The following NPR2 variants were observed in gnomAD, a reference collection of about 807,000 sequenced individuals.
NPR2 encodes atrial natriuretic peptide receptor 2.
NPR2 carries 49 observed loss-of-function variants against 120.7 expected under a neutral mutation model. That is an observed-to-expected ratio of 0.41 (90% CI 0.32 to 0.52). The LOEUF is 0.52. Ranked by LOEUF, NPR2 falls within the 20% of genes least tolerant of loss-of-function variation. The probability of loss-of-function intolerance (pLI) is 0.36; values close to 1 mark genes in which losing one functional copy is unlikely to be tolerated. For missense variants in NPR2, 931 were observed against 1,362.9 expected (o/e 0.68, Z 4.99); for synonymous variants, 484 against 519.8 (o/e 0.93, Z 0.94).
Position 35,795,368 on chromosome 9 carries a change from A to T in NPR2, c.873+1265A>T, listed in dbSNP as rs1206526167. On this transcript the variant is annotated intron_variant, in intron 2 of 21. Coordinates refer to ENST00000342694, the MANE Select transcript of NPR2 (RefSeq NM_003995.4). The stretch of plus-strand genomic sequence containing the variant: ...CGCCACTTTTTTACTAACCGTGCAT[A>T]TAAGTGTTTCCCGTGTATTTATCCA... Among the ~76,000 whole-genome samples the T allele has an allele frequency of 2.0e-5, 3 of 152,208 alleles. No individual in the cohort carries two copies. In the East Asian group the frequency reaches 5.8e-4, roughly 29 times the overall value.
Position 35,800,715 on chromosome 9 carries a change from G to A in NPR2, c.1225G>A (p.Ala409Thr), listed in dbSNP as rs1828117923. Residue 409 changes from alanine (A) to threonine (T), a missense_variant, in exon 6 of 22, where the codon GCC (alanine) becomes ACC (threonine). Ala to Thr is a moderately conservative substitution (Grantham distance 58, BLOSUM62 0). This residue lies in a region of NPR2 where 681 missense variants were observed against 974.3 expected (regional missense o/e 0.70). Transcript: ENST00000342694. The surrounding 1 kb of genome is among the most constrained non-coding windows in gnomAD (Gnocchi z 4.7). ...GCTTTTTGCTTCCTTACAGCCTGCA[G>A]CCCACTACTCGGGAGCTGAGAAGCA... ...DLDSGDFQPA[A>T]HYSGAEKQIW... The A allele has an allele frequency of 1.2e-6, 2 of 1,614,188 alleles. No homozygotes were observed. The highest frequency in any genetic ancestry group is 1.7e-6 in the Non-Finnish European group (2 of 1,180,034).
At chr9:35,801,450 A>C (rs775873562) in intron 7 of NPR2, among the ~76,000 whole-genome samples, 193 bp from the exon 8 acceptor site, 1 of 152,224 alleles carries the variant, frequency 6.6e-6, no homozygotes, top group Non-Finnish European at 1.5e-5. Flanking sequence ...TTTCACCCCC[A>C]GTCTCTGTGT....
At chr9:35,797,918 A>G (rs1827992672) in intron 2 of NPR2, among the ~76,000 whole-genome samples, 1 of 151,828 alleles carries the variant, frequency 6.6e-6, no homozygotes, top group African/African-American at 2.4e-5. Context: ...GAAGTTTTCC[A>G]GAGGTTACAT....
Position 35,792,332 on chromosome 9 carries a change from T to TG in NPR2, c.-71dup, listed in dbSNP as rs1588049738. On this transcript the variant is annotated 5_prime_UTR_variant, in exon 1 of 22. Transcript: ENST00000342694. ...TGGCCCTCTTCCCCAGGCTCCAGGC[T>TG]GGGGGGTGCTCGCGTCTCCCCTGTA... 5 of 1,476,260 alleles carry TG rather than the reference T, an allele frequency of 3.4e-6. No individual in the cohort carries two copies. The African/African-American group carries it at 5.6e-5, about 16-fold the overall frequency. The allele number at this position is 1,476,260 out of a possible 1,614,324, so 91.4% of individuals were successfully genotyped here.
Position 35,809,505 on chromosome 9 carries a change from C to T in NPR2, c.*60C>T. On this transcript the variant is annotated 3_prime_UTR_variant, in exon 22 of 22. Coordinates refer to ENST00000342694, the MANE Select transcript of NPR2 (RefSeq NM_003995.4). This position sits in a 1 kb window ranked among gnomAD's most constrained non-coding sequence, Gnocchi z 4.1. ...TGCTGGTACCTGGGTGGGCAATGGC[C>T]ACCATGTCTGCACACACCAGAAATG... is the stretch of plus-strand genomic sequence containing the variant. The T allele has an allele frequency of 6.2e-7, 1 of 1,613,778 alleles. No homozygotes were observed. Among genetic ancestry groups the T allele is most frequent in the Middle Eastern group, 1.6e-4 (1 of 6,062 alleles).
Position 35,793,476 on chromosome 9 carries a change from T to C in NPR2, c.667+401T>C, listed in dbSNP as rs373391658. On this transcript the variant is annotated intron_variant, in intron 1 of 21. Transcript: ENST00000342694. ...AGACCCCTTGGTGGTGTAAAAATAA[T>C]GAGGGCTCCATGAACGGACTCAGGG... Among the ~76,000 whole-genome samples, 62 of 152,120 alleles carry C rather than the reference T, an allele frequency of 4.1e-4. 1 individual carries two copies. The South Asian group carries it at 9.6e-3, about 23-fold the overall frequency.
rs2132094545 is a variant in NPR2, at chr9:35,807,158, G to A, written c.2643+12G>A. On this transcript the variant is annotated intron_variant, in intron 17 of 21. Coordinates refer to ENST00000342694, the MANE Select transcript of NPR2 (RefSeq NM_003995.4). ...GCACCCCCATGCAGGTGAGAGCCATGGGTGAGAGGTGGCGGGTGGGGTTGG... is the reference window on the plus strand; with the variant it reads ...GCACCCCCATGCAGGTGAGAGCCATAGGTGAGAGGTGGCGGGTGGGGTTGG... The A allele has an allele frequency of 3.2e-6, 5 of 1,580,194 alleles. No homozygotes were observed. Among genetic ancestry groups the A allele is most frequent in the Non-Finnish European group, 4.3e-6 (5 of 1,149,700 alleles).
chr9:35,808,672 G>A lies in NPR2; in HGVS notation c.2876G>A (p.Gly959Glu). The A allele has an allele frequency of 6.2e-7, 1 of 1,613,956 alleles. No individual in the cohort carries two copies. The highest frequency in any genetic ancestry group is 8.5e-7 in the Non-Finnish European group (1 of 1,179,962). Reference sequence around the variant, plus strand: ...CATGACCAGCTGAGGCTACGCATAGGGGTCCATACTGGTAAGGCTGACTCT... The same window carrying A: ...CATGACCAGCTGAGGCTACGCATAGAGGTCCATACTGGTAAGGCTGACTCT... ...RPHDQLRLRIGVHTGPVCAGV... is the reference protein window; with the variant it reads ...RPHDQLRLRIEVHTGPVCAGV... Residue 959 changes from glycine to glutamate, a missense_variant, in exon 19 of 22, where the codon GGG (glycine) becomes GAG (glutamate). Gly to Glu is a moderately conservative substitution (Grantham distance 98). This residue lies in a region of NPR2 where 184 missense variants were observed against 328.3 expected (regional missense o/e 0.56). Transcript: ENST00000342694. This position sits in a 1 kb window ranked among gnomAD's most constrained non-coding sequence, Gnocchi z 4.0.
rs1221326921 is a variant in NPR2 at position 35,803,111 on chromosome 9, T to A, written c.1887+308T>A. On this transcript the variant is annotated intron_variant, in intron 12 of 21. Transcript: ENST00000342694. ...AATGAGTGGAGTCTCTGAACATATT[T>A]TTTTTTTTTTGAGACGGAGTCTCGC... Among the ~76,000 whole-genome samples, 10 of 137,054 alleles carry A rather than the reference T, an allele frequency of 7.3e-5. 2 individuals carry two copies. Among genetic ancestry groups the A allele is most frequent in the Admixed American group, 4.3e-4 (6 of 14,074 alleles). 89.9% of individuals were successfully genotyped at this position (137,054 alleles called of 152,430 possible).
Position 35,807,003 on chromosome 9 carries a change from A to G in NPR2, c.2520-20A>G. ...CCTGCTCTCTTGGAGTTTGGCTCAT[A>G]CGGCACCCTTGCTTCCTAGTTCAGT... On this transcript the variant is annotated intron_variant, in intron 16 of 21. Coordinates refer to ENST00000342694, the MANE Select transcript of NPR2 (RefSeq NM_003995.4). 6.2e-7 allele frequency: 1 copy of G among 1,613,868 alleles called. No individual in the cohort carries two copies. Among genetic ancestry groups the G allele is most frequent in the Non-Finnish European group, 8.5e-7 (1 of 1,179,840 alleles).
rs61758519 is a variant in NPR2, at chr9:35,794,044, C to T, written c.814C>T (p.Arg272Trp). 33 of 1,614,094 alleles carry T rather than the reference C, an allele frequency of 2.0e-5. No homozygotes were observed. The highest frequency in any genetic ancestry group is 3.3e-4 in the Middle Eastern group (2 of 6,084). ...TGCAGGCCCCACACGTGCTACAGGC[C>T]GGCCCTGGCAGGACAATCGCACCCG... ...LRAGPTRATG[R>W]PWQDNRTREQ... Residue 272 changes from arginine to tryptophan, a missense_variant, in exon 2 of 22, where the codon CGG becomes TGG. By Grantham distance (101) the Arg-to-Trp change is moderately radical. Transcript: ENST00000342694.
chr9:35,792,532 T>C lies in NPR2; in HGVS notation c.124T>C (p.Trp42Arg). Residue 42 changes from tryptophan to arginine, a missense_variant, in exon 1 of 22, where the codon TGG (tryptophan) becomes CGG (arginine). Trp to Arg is a moderately radical substitution (Grantham distance 101). Coordinates refer to ENST00000342694, the MANE Select transcript of NPR2 (RefSeq NM_003995.4). ...ACACAACCTGAGCTATGCCTGGGCC[T>C]GGCCACGGGTGGGACCCGCTGTGGC... ...PEHNLSYAWA[W>R]PRVGPAVALA... 6.2e-7 allele frequency: 1 copy of C among 1,611,068 alleles called. No individual in the cohort carries two copies. Among genetic ancestry groups the C allele is most frequent in the Non-Finnish European group, 8.5e-7 (1 of 1,179,922 alleles).
Position 35,805,412 on chromosome 9 carries a change from C to A in NPR2, c.1888-99C>A. 1 of 1,242,198 alleles carries A rather than the reference C, an allele frequency of 8.1e-7. No homozygotes were observed. Among genetic ancestry groups the A allele is most frequent in the Non-Finnish European group, 1.2e-6 (1 of 844,196 alleles). 76.9% of individuals were successfully genotyped at this position (1,242,198 alleles called of 1,614,324 possible). ...AAAATCAGCTTATTATTTTTGTGGACCCAAGATCTGTAGACAGCTAGCCAG... is the reference window on the plus strand; with the variant it reads ...AAAATCAGCTTATTATTTTTGTGGAACCAAGATCTGTAGACAGCTAGCCAG... On this transcript the variant is annotated intron_variant, in intron 12 of 21. Coordinates refer to ENST00000342694, the MANE Select transcript of NPR2 (RefSeq NM_003995.4). The surrounding 1 kb of genome is among the most constrained non-coding windows in gnomAD (Gnocchi z 4.9).
rs1208436177 is a variant in NPR2 at position 35,791,665 on chromosome 9, G to A, written c.-744G>A. Among the ~76,000 whole-genome samples, 1 of 145,892 alleles carries A rather than the reference G, an allele frequency of 6.9e-6. No individual in the cohort carries two copies. The highest frequency in any genetic ancestry group is 1.5e-5 in the Non-Finnish European group (1 of 65,696). ...AGGCGACCTGACCCGGACGAGCGGC[G>A]CGCGCGGGGCCCAGGCGGGGGGCGG... On this transcript the variant is annotated 5_prime_UTR_variant, in exon 1 of 22. Transcript: ENST00000342694.
Position 35,802,377 on chromosome 9 carries a change from T to C in NPR2, c.1710+94T>C. 1 of 985,174 alleles carries C rather than the reference T, an allele frequency of 1.0e-6. No individual in the cohort carries two copies. Among genetic ancestry groups the C allele is most frequent in the African/African-American group, 1.6e-5 (1 of 63,100 alleles). The allele number at this position is 985,174 out of a possible 1,614,324, so 61.0% of individuals were successfully genotyped here. ...ATTGGCTAGATGGGCAAGGGGTTGA[T>C]TTATAAATGATTTTAAAATCGTAGA... On this transcript the variant is annotated intron_variant, in intron 10 of 21. Transcript: ENST00000342694. The surrounding 1 kb of genome is among the most constrained non-coding windows in gnomAD (Gnocchi z 4.2).
At position 35,802,019 on chromosome 9, in the gene NPR2, G is replaced by C. The variant is rs750083239; in HGVS notation, c.1632+19G>C. 12 of 1,609,546 alleles carry C rather than the reference G, an allele frequency of 7.5e-6. No homozygotes were observed. In the East Asian group the frequency reaches 2.7e-4, roughly 36 times the overall value. ...CTTCAAGGTGAACAGTCATTTGCTT[G>C]TTCTGGTCCCCACCATTTCATCCTG... On this transcript the variant is annotated intron_variant, in intron 9 of 21. Coordinates refer to ENST00000342694, the MANE Select transcript of NPR2 (RefSeq NM_003995.4). This position sits in a 1 kb window ranked among gnomAD's most constrained non-coding sequence, Gnocchi z 4.2.
intron 2 of NPR2, among the ~76,000 whole-genome samples, chr9:35,797,550 G>T (rs1827980799): frequency 6.6e-6 from 1 of 152,194 alleles, no homozygotes; most frequent in African/African-American, 2.4e-5. Context: ...ATAGAGGCAG[G>T]TGCCTCCTGA....
chr9:35,792,556 G>T lies in NPR2; in HGVS notation c.148G>T (p.Ala50Ser). ...WAWPRVGPAV[A>S]LAVEALGRAL... is the part of the protein sequence containing the mutation. ...CTGGCCACGGGTGGGACCCGCTGTG[G>T]CACTAGCTGTGGAGGCTCTGGGCCG... The change falls in exon 1 of 22, where the codon GCA becomes TCA. Residue 50 changes from alanine to serine, a missense_variant. By Grantham distance (99) the Ala-to-Ser change is moderately conservative. Around this residue, in one of 3 missense-constraint regions of NPR2, gnomAD observed 681 missense variants for 974.3 expected, o/e 0.70. Coordinates refer to ENST00000342694, the MANE Select transcript of NPR2 (RefSeq NM_003995.4). 6.2e-7 allele frequency: 1 copy of T among 1,612,194 alleles called. No homozygotes were observed. Among genetic ancestry groups the T allele is most frequent in the Non-Finnish European group, 8.5e-7 (1 of 1,179,958 alleles).
At chr9:35,794,614 T>C (rs187793097) in intron 2 of NPR2, among the ~76,000 whole-genome samples, 1 of 152,212 alleles carries the variant, frequency 6.6e-6, no homozygotes, top group African/African-American at 2.4e-5. Context: ...ATGATAGATG[T>C]CATATTCATA....
Sources: allele counts gnomAD v4.1 joint callset (sites outside exome capture counted in the v4.1 genomes callset), GRCh38; gene constraint gnomAD v4.1.1; regional missense constraint gnomAD v4.1.1; non-coding constraint Gnocchi (gnomAD v3.1); transcripts MANE v1.5; gene names NCBI Gene and HGNC (gene_info 2026-07-23, HGNC 2026-07-21).